The following TRABD variants were observed in gnomAD, a reference collection of about 807,000 sequenced individuals.
TRABD encodes TraB domain containing.
A neutral mutation model predicts 39.6 loss-of-function variants in TRABD; 23 were observed. The ratio of observed to expected loss-of-function variants is 0.58; its 90% CI spans 0.42 to 0.82. TRABD has a LOEUF of 0.82. Among genes scored for constraint, TRABD ranks in the 40% least tolerant of loss-of-function variants. The pLI is 0.00. For synonymous variants in TRABD, 243 were observed against 232.1 expected, an observed-to-expected ratio of 1.05 and a Z score of -0.43; for missense variants, 487 against 544.9, an observed-to-expected ratio of 0.89 and a Z score of 1.06.
At chr22:50,189,561 G>A (rs2063840127) in intron 1 of TRABD, among the ~76,000 whole-genome samples, 1 of 152,264 alleles carries the variant, frequency 6.6e-6, no homozygotes, top group Non-Finnish European at 1.5e-5. Context: ...CTGGGGCAGT[G>A]CCAGCACTGG....
In TRABD at chr22:50,194,949, A is replaced by C. The variant is rs758904288; in HGVS notation, c.329A>C (p.Tyr110Ser). 1.2e-6 allele frequency: 2 copies of C among 1,612,940 alleles called. No individual in the cohort carries two copies. Among genetic ancestry groups the C allele is most frequent in the South Asian group, 2.2e-5 (2 of 91,080 alleles). The stretch of plus-strand genomic sequence containing the variant: ...GTGGTGGTCGTGGAGCTCTGCCAAT[A>C]TCGTGTGTCCATGCTGAAGATGGAC... ...PDVVVVELCQ[Y>S]RVSMLKMDES... Residue 110 changes from tyrosine to serine, a missense_variant, in exon 5 of 10, where the codon TAT (tyrosine) becomes TCT (serine). Around this residue, in one of 3 missense-constraint regions of TRABD, gnomAD observed 358 missense variants for 414.7 expected, o/e 0.86. Coordinates refer to ENST00000380909, the MANE Select transcript of TRABD (RefSeq NM_001320485.2).
Position 50,193,653 on chromosome 22 carries a change from G to A in TRABD, c.111G>A (p.Leu37=). The change falls in exon 3 of 10, where the codon CTG becomes CTA. Residue 37 remains leucine, a splice_region_variant and synonymous_variant. Coordinates refer to ENST00000380909, the MANE Select transcript of TRABD (RefSeq NM_001320485.2). ...PRVLSGDPQN[L]SDVDAFNLLL... is the part of the protein sequence containing the mutation. The stretch of plus-strand genomic sequence containing the variant: ...TGCTTTCTGGAGACCCCCAGAACCT[G>A]TGTACGTGTCCCTCAGGGTCCTGGC... 6.2e-7 allele frequency: 1 copy of A among 1,613,682 alleles called. No homozygotes were observed. The highest frequency in any genetic ancestry group is 1.6e-4 in the Middle Eastern group (1 of 6,062).
chr22:50,194,054 G>A (rs531982959), intron 3 of TRABD, among the ~76,000 whole-genome samples: 213 of 25,278 alleles, frequency 8.4e-3, no homozygotes, highest in Admixed American at 0.025. Flanking sequence ...CCCCCACACC[G>A]AACCTCATCC....
rs1415839086 is a variant in TRABD at position 50,193,095 on chromosome 22, T to C, written c.33+2T>C. Reference sequence around the variant, plus strand: ...GAGGAGCAGCAGCCACCGCACGAGGTGAGGTGGAGGCTGGGCTGGCTGCAC... The same window carrying C: ...GAGGAGCAGCAGCCACCGCACGAGGCGAGGTGGAGGCTGGGCTGGCTGCAC... On this transcript the variant is annotated splice_donor_variant, in intron 2 of 9. Coordinates refer to ENST00000380909, the MANE Select transcript of TRABD (RefSeq NM_001320485.2). LOFTEE classifies it high-confidence loss of function. 7 of 1,542,860 alleles carry C rather than the reference T, an allele frequency of 4.5e-6. No homozygotes were observed. The highest frequency in any genetic ancestry group is 2.8e-5 in the African/African-American group (2 of 72,444).
At chr22:50,197,769 A>ACCCC in intron 7 of TRABD, 54 bp from the exon 8 acceptor site, 1 of 706,080 alleles carries the variant, frequency 1.4e-6, no homozygotes, top group Admixed American at 3.2e-5. Context: ...TGCCAGCCCC[A>ACCCC]CCCCCCCAGC....
In TRABD at chr22:50,194,903, A is replaced by T; in HGVS notation, c.283A>T (p.Ile95Phe). 6.2e-7 allele frequency: 1 copy of T among 1,612,392 alleles called. No individual in the cohort carries two copies. ...DDSKRDVVKT[I>F]REVQPDVVVV... Reference sequence around the variant, plus strand: ...GTGTGACCTGTGGCTGTTGCAGACCATCCGGGAGGTGCAGCCTGACGTGGT... The same window carrying T: ...GTGTGACCTGTGGCTGTTGCAGACCTTCCGGGAGGTGCAGCCTGACGTGGT... The change falls in exon 5 of 10, where the codon ATC becomes TTC. Residue 95 changes from isoleucine (I) to phenylalanine (F), a missense_variant. Physicochemically the swap from Ile to Phe is conservative, Grantham distance 21 (BLOSUM62 0). Transcript: ENST00000380909.
At position 50,194,828 on chromosome 22, in the gene TRABD, G is replaced by A. The variant is rs2064040931; in HGVS notation, c.280-72G>A. The A allele has an allele frequency of 7.1e-6, 11 of 1,554,464 alleles. No individual in the cohort carries two copies. In the Admixed American group the frequency reaches 1.9e-4, roughly 26 times the overall value. On this transcript the variant is annotated intron_variant, in intron 4 of 9. Coordinates refer to ENST00000380909, the MANE Select transcript of TRABD (RefSeq NM_001320485.2). ...TGGCTGCTCCTGGGATGGGGCCCCTGGTGCTGGCGTCAGCTGTGCTGAGGG... is the reference window on the plus strand; with the variant it reads ...TGGCTGCTCCTGGGATGGGGCCCCTAGTGCTGGCGTCAGCTGTGCTGAGGG...
chr22:50,197,229 C>G lies in TRABD; in HGVS notation c.421-12C>G. ...CGCCCCTCCAGCTGATGCCTGCTCC[C>G]TCTCTCTGCAGAACGGGCTCATGTC... On this transcript the variant is annotated splice_polypyrimidine_tract_variant and intron_variant, in intron 5 of 9. Transcript: ENST00000380909. 5 of 1,612,330 alleles carry G rather than the reference C, an allele frequency of 3.1e-6. No homozygotes were observed. Among genetic ancestry groups the G allele is most frequent in the Non-Finnish European group, 4.2e-6 (5 of 1,179,292 alleles).
At chr22:50,194,794 C>T (rs571793006) in intron 4 of TRABD, 106 bp from the exon 5 acceptor site, 387 of 1,507,508 alleles carry the variant, frequency 2.6e-4, no homozygotes, top group Non-Finnish European at 3.3e-4. Flanking sequence ...CCTGGGGTGA[C>T]GCCAAGGCTG....
intron 1 of TRABD, among the ~76,000 whole-genome samples, chr22:50,188,239 G>A (rs1161428982): frequency 2.0e-5 from 3 of 152,028 alleles, no homozygotes; most frequent in Non-Finnish European, 4.4e-5. Context: ...CCAAGATCAC[G>A]CCACCGCACT....
chr22:50,187,279 G>A (rs1429986255), intron 1 of TRABD, among the ~76,000 whole-genome samples: 2 of 152,210 alleles, frequency 1.3e-5, no homozygotes, highest in African/African-American at 2.4e-5. Context: ...AGGAGGCCTC[G>A]GGCTCTGGCT....
chr22:50,193,113 G>A lies in TRABD; in HGVS notation c.33+20G>A. 6.5e-7 allele frequency: 1 copy of A among 1,539,198 alleles called. No homozygotes were observed. On this transcript the variant is annotated intron_variant, in intron 2 of 9. Coordinates refer to ENST00000380909, the MANE Select transcript of TRABD (RefSeq NM_001320485.2). ...CACGAGGTGAGGTGGAGGCTGGGCT[G>A]GCTGCACAGAGACAGGGGCGGGGGG...
At chr22:50,193,171 C>T (rs968393185) in intron 2 of TRABD, 78 bp downstream of exon 2, 18 of 1,453,860 alleles carry the variant, frequency 1.2e-5, no homozygotes, top group African/African-American at 1.4e-5. Flanking sequence ...GGGGTCGGTC[C>T]CTGGCTGTTG....
chr22:50,193,650 C>A lies in TRABD; in HGVS notation c.108C>A (p.Asn36Lys). ...VPRVLSGDPQ[N>K]LSDVDAFNLL... The stretch of plus-strand genomic sequence containing the variant: ...GGGTGCTTTCTGGAGACCCCCAGAA[C>A]CTGTGTACGTGTCCCTCAGGGTCCT... Residue 36 changes from asparagine to lysine, a missense_variant, in exon 3 of 10, where the codon AAC becomes AAA. This residue lies in a region of TRABD where 358 missense variants were observed against 414.7 expected (regional missense o/e 0.86). Coordinates refer to ENST00000380909, the MANE Select transcript of TRABD (RefSeq NM_001320485.2). The A allele has an allele frequency of 6.2e-7, 1 of 1,613,632 alleles. No homozygotes were observed. The highest frequency in any genetic ancestry group is 8.5e-7 in the Non-Finnish European group (1 of 1,179,806).
At position 50,198,901 on chromosome 22, in the gene TRABD, C is replaced by T. The variant is rs554751744; in HGVS notation, c.*382C>T. 231 of 574,320 alleles carry T rather than the reference C, an allele frequency of 4.0e-4. 2 individuals are homozygous for T. The highest frequency in any genetic ancestry group is 2.2e-3 in the South Asian group (107 of 48,606). 35.6% of individuals were successfully genotyped at this position (574,320 alleles called of 1,614,324 possible). ...TACCTCACTGTGCCTTCCTGTGCTC[C>T]GGCCACAGGAGCGTCGGCCCAGGGG... On this transcript the variant is annotated 3_prime_UTR_variant, in exon 10 of 10. Transcript: ENST00000380909. The surrounding 1 kb of genome is among the most constrained non-coding windows in gnomAD (Gnocchi z 7.9).
In TRABD at chr22:50,195,058, A is replaced by C. The variant is rs1249775044; in HGVS notation, c.420+18A>C. The C allele has an allele frequency of 6.5e-7, 1 of 1,543,568 alleles. No homozygotes were observed. Among genetic ancestry groups the C allele is most frequent in the Non-Finnish European group, 8.7e-7 (1 of 1,150,642 alleles). ...TGAGGCAGGTGCGCAGCCGCGGGCAAGGGTCAGGGTCAGGGTCGGGGTCAA... is the reference window on the plus strand; with the variant it reads ...TGAGGCAGGTGCGCAGCCGCGGGCACGGGTCAGGGTCAGGGTCGGGGTCAA... On this transcript the variant is annotated intron_variant, in intron 5 of 9. Transcript: ENST00000380909.
intron 5 of TRABD, among the ~76,000 whole-genome samples, chr22:50,195,493 C>T (rs1188746958): frequency 2.6e-5 from 4 of 151,224 alleles, no homozygotes; most frequent in East Asian, 1.9e-4. Context: ...GACAGAGTCT[C>T]GCTCTGTTGC....
At position 50,193,687 on chromosome 22, in the gene TRABD, C is replaced by T. The variant is rs199578697; in HGVS notation, c.112+33C>T. Reference sequence around the variant, plus strand: ...TCCCTCAGGGTCCTGGCACGTTCCCCGGTGTTGGGCTGTTGAGTCAGGGAG... The same window carrying T: ...TCCCTCAGGGTCCTGGCACGTTCCCTGGTGTTGGGCTGTTGAGTCAGGGAG... On this transcript the variant is annotated intron_variant, in intron 3 of 9. Transcript: ENST00000380909. 1,255 of 1,600,836 alleles carry T rather than the reference C, an allele frequency of 7.8e-4. 3 individuals carry two copies. Among genetic ancestry groups the T allele is most frequent in the Middle Eastern group, 4.8e-3 (29 of 6,038 alleles).
At chr22:50,196,575 G>A (rs1436024063) in intron 5 of TRABD, among the ~76,000 whole-genome samples, 2 of 152,254 alleles carry the variant, frequency 1.3e-5, no homozygotes, top group East Asian at 1.9e-4. Context: ...CAGCAGTGCT[G>A]TGCTGACCTC....
Sources: allele counts gnomAD v4.1 joint callset (sites outside exome capture counted in the v4.1 genomes callset), GRCh38; gene constraint gnomAD v4.1.1; regional missense constraint gnomAD v4.1.1; non-coding constraint Gnocchi (gnomAD v3.1); transcripts MANE v1.5; gene names NCBI Gene and HGNC (gene_info 2026-07-23, HGNC 2026-07-21).